ZRANB3: variants seen among roughly 807,000 people sequenced by gnomAD.
ZRANB3 encodes DNA annealing helicase and endonuclease ZRANB3.
ZRANB3 carries 125 observed loss-of-function variants against 133.8 expected under a neutral mutation model. That is an observed-to-expected ratio of 0.93 (90% confidence interval 0.81 to 1.08). ZRANB3 has a LOEUF of 1.08. Ranked by LOEUF, ZRANB3 falls within the 50% of genes least tolerant of loss-of-function variation. The pLI is 0.00. For missense variants in ZRANB3, 1,229 were observed against 1,275.5 expected (o/e 0.96, Z 0.56); for synonymous variants, 387 against 432.7 (o/e 0.89, Z 1.31).
At chr2:135,206,890 C>T (rs1425751111) in intron 19 of ZRANB3, among the ~76,000 whole-genome samples, 1 of 152,074 alleles carries the variant, frequency 6.6e-6, no homozygotes, top group Admixed American at 6.5e-5. Context: ...GATGGCCGGG[C>T]ATGATGGCTC....
At chr2:135,316,920 C>A (rs192242299) in intron 6 of ZRANB3, among the ~76,000 whole-genome samples, 5 of 146,688 alleles carry the variant, frequency 3.4e-5, no homozygotes, top group African/African-American at 1.3e-4. Context: ...GAGCCGAGAT[C>A]GTGCCACTGC....
intron 3 of ZRANB3, among the ~76,000 whole-genome samples, chr2:135,360,450 T>TA (rs201659707): frequency 1.2e-3 from 187 of 151,466 alleles, no homozygotes; most frequent in South Asian, 1.7e-3. Flanking sequence ...CTCATGCCTG[T>TA]ATCCCAGCAC....
intron 8 of ZRANB3, among the ~76,000 whole-genome samples, chr2:135,306,532 T>C (rs1682711237): frequency 6.6e-6 from 1 of 151,280 alleles, no homozygotes; most frequent in South Asian, 2.1e-4. Context: ...GACCTCGTGA[T>C]CCACCCGTCT....
chr2:135,420,261 T>C (rs1688784443), intron 2 of ZRANB3, among the ~76,000 whole-genome samples: 1 of 151,308 alleles, frequency 6.6e-6, no homozygotes, highest in African/African-American at 2.4e-5. Flanking sequence ...TTTAATGGTA[T>C]ACATGTGGAT....
chr2:135,335,692 CAAACAAAACAAAACA>C (rs554931885), intron 6 of ZRANB3, among the ~76,000 whole-genome samples: 4 of 151,698 alleles, frequency 2.6e-5, no homozygotes, highest in Admixed American at 2.0e-4. Flanking sequence ...GACTCTGTCT[CAAACAAAACAAAACA>C]AAACAAAACA....
intron 2 of ZRANB3, among the ~76,000 whole-genome samples, chr2:135,503,250 T>C (rs1267112333): frequency 1.3e-5 from 2 of 152,234 alleles, no homozygotes; most frequent in African/African-American, 4.8e-5. Context: ...AGTATAATGA[T>C]GTCTGCAATT....
chr2:135,466,296 T>C (rs374231011), intron 2 of ZRANB3, among the ~76,000 whole-genome samples: 2 of 138,282 alleles, frequency 1.4e-5, no homozygotes, highest in South Asian at 2.2e-4. Flanking sequence ...GGCAGGAGAA[T>C]AGCTTGAACC....
chr2:135,348,228 C>T (rs1685035486), intron 5 of ZRANB3, among the ~76,000 whole-genome samples: 1 of 150,126 alleles, frequency 6.7e-6, no homozygotes, highest in South Asian at 2.1e-4. Flanking sequence ...CACTGCACTC[C>T]AGCCTGGGCA....
At chr2:135,343,203 A>C (rs1286039176) in intron 6 of ZRANB3, among the ~76,000 whole-genome samples, 4 of 147,854 alleles carry the variant, frequency 2.7e-5, no homozygotes, top group Non-Finnish European at 5.9e-5. Flanking sequence ...AAAAAAAAAA[A>C]AACAGGGAGG....
At chr2:135,345,801 T>C (rs1271484995) in intron 5 of ZRANB3, among the ~76,000 whole-genome samples, 166 bp from the exon 6 acceptor site, 1 of 151,940 alleles carries the variant, frequency 6.6e-6, no homozygotes, top group Non-Finnish European at 1.5e-5. Flanking sequence ...TTATCTGTTG[T>C]ATAAATATAC....
intron 2 of ZRANB3, among the ~76,000 whole-genome samples, chr2:135,463,663 C>T (rs113518302): frequency 0.068 from 10,336 of 152,064 alleles, 724 homozygotes; most frequent in African/African-American, 0.18. Context: ...GTCATCTGCC[C>T]GCCTCAGCCT....
At chr2:135,461,006 G>A (rs1426040545) in intron 2 of ZRANB3, among the ~76,000 whole-genome samples, 1 of 152,102 alleles carries the variant, frequency 6.6e-6, no homozygotes, top group Non-Finnish European at 1.5e-5. Flanking sequence ...AATAACCATA[G>A]TAGCTATCAG....
At chr2:135,392,780 A>T (rs1687301245) in intron 2 of ZRANB3, among the ~76,000 whole-genome samples, 1 of 152,186 alleles carries the variant, frequency 6.6e-6, no homozygotes, top group Non-Finnish European at 1.5e-5. Context: ...ACAACAAATT[A>T]AGCATTTGGA....
intron 1 of ZRANB3, among the ~76,000 whole-genome samples, chr2:135,512,754 T>C (rs977351639): frequency 1.3e-5 from 2 of 151,784 alleles, no homozygotes; most frequent in African/African-American, 4.8e-5. Flanking sequence ...TTTATAATGA[T>C]AAAAGATTTA....
In ZRANB3 at chr2:135,242,458, C is replaced by CT. The variant is rs111664138; in HGVS notation, c.1540-11532dup. Among the ~76,000 whole-genome samples the CT allele has an allele frequency of 5.1e-3, 732 of 142,534 alleles. 2 individuals carry two copies. Among genetic ancestry groups the CT allele is most frequent in the African/African-American group, 0.013 (518 of 39,206 alleles). The allele number at this position is 142,534 out of a possible 152,430, so 93.5% of individuals were successfully genotyped here. A position where few individuals can be genotyped will look rare whatever the true frequency, so the allele number is the denominator to read the frequency against. On this transcript the variant is annotated intron_variant, in intron 12 of 20. Transcript: ENST00000264159. ...TAGACACTCAGTAGGTACTTTCTTT[C>CT]TTTTTTTTTTTTTAAAGAGATGGGG...
chr2:135,313,602 A>G lies in ZRANB3; in HGVS notation c.853T>C (p.Leu285=), dbSNP rs1365698509. Residue 285 remains leucine (L), a synonymous_variant, in exon 8 of 21, where the codon TTG becomes CTG. Transcript: ENST00000264159. ...TCCCACTCTTCAAAGCTGGTATTCAATTCCTATGTGGGAAAAAATAACACT... is the reference window on the plus strand; with the variant it reads ...TCCCACTCTTCAAAGCTGGTATTCAGTTCCTATGTGGGAAAAAATAACACT... ...FDLPSAAAKE[L]NTSFEEWEKI... is the part of the protein sequence containing the mutation. 1.9e-6 allele frequency: 3 copies of G among 1,605,684 alleles called. No homozygotes were observed. Among genetic ancestry groups the G allele is most frequent in the South Asian group, 1.1e-5 (1 of 90,394 alleles).
chr2:135,335,163 T>C (rs376880449), intron 6 of ZRANB3, among the ~76,000 whole-genome samples: 14 of 152,286 alleles, frequency 9.2e-5, no homozygotes, highest in African/African-American at 2.4e-4. Context: ...ATTTGTATTA[T>C]CATGCAGCAT....
At chr2:135,373,808 G>GGGGAGGGGAGGGGAGGGGAA (rs1316241591) in intron 3 of ZRANB3, among the ~76,000 whole-genome samples, 1 of 136,404 alleles carries the variant, frequency 7.3e-6, no homozygotes, top group Non-Finnish European at 1.7e-5. Flanking sequence ...AAAGAGGGGA[G>GGGGAGGGGAGGGGAGGGGAA]GGGAGGGGAC....
rs908205370 is a variant in ZRANB3 at position 135,335,451 on chromosome 2, G to C, written c.677+10099C>G. On this transcript the variant is annotated intron_variant, in intron 6 of 20. Transcript: ENST00000264159. ...TCATGCCTGTAAATCCTAGCATTTT[G>C]GGAAGCTGAGGTGGGCAGATGGCTT... Among the ~76,000 whole-genome samples the C allele has an allele frequency of 3.3e-5, 5 of 152,146 alleles. No individual in the cohort carries two copies. The South Asian group carries it at 1.0e-3, about 32-fold the overall frequency.
Sources: gnomAD v4.1 joint callset for allele counts (sites outside exome capture counted in the v4.1 genomes callset) on GRCh38, gnomAD v4.1.1 for gene constraint, MANE v1.5 for transcripts, NCBI Gene and HGNC (gene_info 2026-07-23, HGNC 2026-07-21) for gene names.